MGLL: variants seen among roughly 807,000 people sequenced by gnomAD.
The protein encoded by MGLL is monoglyceride lipase.
A neutral mutation model predicts 29.1 loss-of-function variants in MGLL; 7 were observed. The ratio of observed to expected loss-of-function variants is 0.24; its 90% CI spans 0.14 to 0.45. The LOEUF (loss-of-function observed/expected upper bound fraction) is 0.45, where lower values mean the gene tolerates loss of function less well. MGLL is among the 20% of genes least tolerant of loss of function. The pLI is 0.99. For synonymous variants in MGLL, 148 were observed against 168.3 expected (o/e 0.88, Z 0.93); for missense variants, 356 against 413.6 (o/e 0.86, Z 1.21).
intron 3 of MGLL, among the ~76,000 whole-genome samples, chr3:127,727,808 A>T (rs1372439833): frequency 3.9e-5 from 6 of 152,064 alleles, no homozygotes; most frequent in Non-Finnish European, 8.8e-5. Context: ...TTTACACTGA[A>T]AATCTTGGTT....
rs571390109 is a variant in MGLL, at chr3:127,749,393, C to T, written c.263-26827G>A. On this transcript the variant is annotated intron_variant, in intron 3 of 7. Coordinates refer to ENST00000265052, the MANE Select transcript of MGLL (RefSeq NM_007283.7). ...CATTTTCTGATTGAAAGAAATAAAGCAAATGCTTCCCAGAGCTTTCTGCTG... is the reference window on the plus strand; with the variant it reads ...CATTTTCTGATTGAAAGAAATAAAGTAAATGCTTCCCAGAGCTTTCTGCTG... Among the ~76,000 whole-genome samples, 8 of 152,316 alleles carry T rather than the reference C, an allele frequency of 5.3e-5. No homozygotes were observed. The South Asian group carries it at 1.7e-3, about 32-fold the overall frequency.
intron 6 of MGLL, among the ~76,000 whole-genome samples, chr3:127,709,454 C>T (rs182373764): frequency 6.6e-6 from 1 of 152,304 alleles, no homozygotes; most frequent in East Asian, 1.9e-4. Flanking sequence ...TCTAGAAAGT[C>T]TCTTTCCTAC....
intron 2 of MGLL, among the ~76,000 whole-genome samples, chr3:127,792,892 A>G (rs1326094155): frequency 5.9e-5 from 9 of 152,178 alleles, no homozygotes; most frequent in Admixed American, 5.9e-4. Flanking sequence ...CTCTTTACAC[A>G]CATGGCAGGT....
In MGLL at chr3:127,710,561, C is replaced by A. The variant is rs370513266; in HGVS notation, c.600+15G>T. ...GCCACCCAAGCTACCCCTGGGGTTT[C>A]GGAAAGCCTCTCACCTCTGTCTTAT... On this transcript the variant is annotated intron_variant, in intron 6 of 7. Coordinates refer to ENST00000265052, the MANE Select transcript of MGLL (RefSeq NM_007283.7). 1 of 1,546,376 alleles carries A rather than the reference C, an allele frequency of 6.5e-7. No homozygotes were observed. The highest frequency in any genetic ancestry group is 2.0e-5 in the Admixed American group (1 of 51,134).
At chr3:127,723,437 G>A (rs925106051) in intron 3 of MGLL, among the ~76,000 whole-genome samples, 3 of 151,956 alleles carry the variant, frequency 2.0e-5, no homozygotes, top group Non-Finnish European at 2.9e-5. Context: ...CAGTAATAAC[G>A]GTCACCACCT....
At chr3:127,694,271 A>G (rs1269933929) in intron 7 of MGLL, among the ~76,000 whole-genome samples, 8 of 101,704 alleles carry the variant, frequency 7.9e-5, no homozygotes, top group African/African-American at 2.7e-4. Context: ...CTCTGTCTGA[A>G]AAAAAAAAAA....
At chr3:127,815,306 C>A (rs1032427851) in intron 2 of MGLL, among the ~76,000 whole-genome samples, 2 of 152,172 alleles carry the variant, frequency 1.3e-5, no homozygotes, top group Non-Finnish European at 2.9e-5. Context: ...GTGTTCCGAG[C>A]AAAGAATACA....
chr3:127,801,931 CAG>C (rs1366158654), intron 2 of MGLL, among the ~76,000 whole-genome samples: 1 of 151,960 alleles, frequency 6.6e-6, no homozygotes, highest in African/African-American at 2.4e-5. Flanking sequence ...TGTCACCAGA[CAG>C]AGGCCCACAC....
chr3:127,774,628 A>T (rs1158762450), intron 3 of MGLL, among the ~76,000 whole-genome samples: 1 of 152,216 alleles, frequency 6.6e-6, no homozygotes, highest in Admixed American at 6.5e-5. Flanking sequence ...CTTTCTTTGC[A>T]GGTGAGCTGG....
At chr3:127,717,545 C>T (rs1189149227) in intron 5 of MGLL, among the ~76,000 whole-genome samples, 2 of 152,236 alleles carry the variant, frequency 1.3e-5, no homozygotes, top group Non-Finnish European at 2.9e-5. Context: ...CTTCTCCCTA[C>T]TGGGCGAGGT....
intron 6 of MGLL, among the ~76,000 whole-genome samples, chr3:127,705,789 A>AAG (rs1553754319): frequency 1.3e-5 from 2 of 151,192 alleles, no homozygotes; most frequent in East Asian, 1.9e-4. Flanking sequence ...AAAAAAAAAA[A>AAG]AAGAAGAAGA....
chr3:127,803,541 A>G (rs1488142586), intron 2 of MGLL, among the ~76,000 whole-genome samples: 2 of 152,206 alleles, frequency 1.3e-5, no homozygotes, highest in African/African-American at 4.8e-5. Context: ...ACACTCATTT[A>G]TGGGATGACT....
intron 6 of MGLL, among the ~76,000 whole-genome samples, chr3:127,699,113 A>C (rs754527236): frequency 6.6e-6 from 1 of 152,230 alleles, no homozygotes; most frequent in Non-Finnish European, 1.5e-5. Flanking sequence ...CAGTTTCCCC[A>C]TCAGGGGACC....
chr3:127,750,929 G>A (rs2076546940), intron 3 of MGLL, among the ~76,000 whole-genome samples: 1 of 152,190 alleles, frequency 6.6e-6, no homozygotes, highest in Non-Finnish European at 1.5e-5. Flanking sequence ...TGCATTAAAT[G>A]GACTTGCCAG....
At chr3:127,803,809 T>A (rs145990860) in intron 2 of MGLL, among the ~76,000 whole-genome samples, 33 of 152,228 alleles carry the variant, frequency 2.2e-4, no homozygotes, top group East Asian at 7.7e-4. Context: ...CCCTCGTTCA[T>A]CCCATTCCAA....
At chr3:127,792,642 G>T (rs145059566) in intron 2 of MGLL, among the ~76,000 whole-genome samples, 1,793 of 152,192 alleles carry the variant, frequency 0.012, 41 homozygotes, top group South Asian at 0.1. Context: ...GGCGGAGGTT[G>T]CGATGAGACG....
At position 127,821,717 on chromosome 3, in the gene MGLL, G is replaced by A. The variant is rs757299583; in HGVS notation, c.132C>T (p.Tyr44=). Residue 44 remains tyrosine (Y), a synonymous_variant, in exon 2 of 8, where the codon TAC becomes TAT. Transcript: ENST00000265052. The stretch of plus-strand genomic sequence containing the variant: ...ACTTGGGTGTGCCTGTGGGTTTCCA[G>A]TACCTGCAGAAGAGGTACTGTCCGT... ...NADGQYLFCR[Y]WKPTGTPKAL... 6.2e-7 allele frequency: 1 copy of A among 1,614,166 alleles called. No individual in the cohort carries two copies. Among genetic ancestry groups the A allele is most frequent in the Non-Finnish European group, 8.5e-7 (1 of 1,180,020 alleles).
chr3:127,780,063 T>C (rs868853059), intron 3 of MGLL, among the ~76,000 whole-genome samples: 1 of 152,238 alleles, frequency 6.6e-6, no homozygotes, highest in Admixed American at 6.5e-5. Context: ...ATATTTAGAA[T>C]GTCACAGAGA....
chr3:127,728,166 A>T (rs2076081480), intron 3 of MGLL, among the ~76,000 whole-genome samples: 1 of 152,230 alleles, frequency 6.6e-6, no homozygotes, highest in Non-Finnish European at 1.5e-5. Flanking sequence ...GAAATATATT[A>T]AAAAATTCAT....
Sources: allele counts gnomAD v4.1 joint callset (sites outside exome capture counted in the v4.1 genomes callset), GRCh38; gene constraint gnomAD v4.1.1; transcripts MANE v1.5; gene names NCBI Gene and HGNC (gene_info 2026-07-23, HGNC 2026-07-21).